Variants in MAGEA4 observed in about 807,000 individuals in gnomAD.
MAGEA4 encodes the protein MAGE family member A4, also known as melanoma-associated antigen 4.
A neutral mutation model predicts 13.7 loss-of-function variants in MAGEA4; 1 was observed. The observed-to-expected ratio is 0.07, with a 90% CI of 0.03 to 0.35. The LOEUF (loss-of-function observed/expected upper bound fraction) is 0.35. Among genes scored for constraint, MAGEA4 ranks in the 10% least tolerant of loss-of-function variants. The pLI is 0.99. For missense variants in MAGEA4, 312 were observed against 245.1 expected, an observed-to-expected ratio of 1.27 and a Z score of -1.82; for synonymous variants, 132 against 101.1, an observed-to-expected ratio of 1.31 and a Z score of -1.83.
At chrX:151,912,582 A>C (rs1192353925), upstream of MAGEA4, 1 of 343,839 alleles carries the variant, frequency 2.9e-6, no homozygotes, top group East Asian at 8.1e-5. Context: ...TCAGGACCCT[A>C]AGAGAGAGCT....
At chrX:151,919,317 C>T (rs1214709351) in intron 1 of MAGEA4, among the ~76,000 whole-genome samples, 2 of 81,350 alleles carry the variant, frequency 2.5e-5, no homozygotes, top group Non-Finnish European at 4.8e-5. Flanking sequence ...CCCACCCCCT[C>T]CCCTTTCCCA....
Position 151,924,650 on chromosome X carries a change from G to A in MAGEA4, c.*32G>A. On this transcript the variant is annotated 3_prime_UTR_variant, in exon 3 of 3. Coordinates refer to ENST00000276344, the MANE Select transcript of MAGEA4 (RefSeq NM_001011548.1). ...GTTGCAGCCAGGGCTGTGGGGAAGG[G>A]GCAGGGCTGGGCCAGTGCATCTAAC... 1.7e-6 allele frequency: 2 copies of A among 1,157,652 alleles called. No homozygotes were observed. Among genetic ancestry groups the A allele is most frequent in the South Asian group, 4.1e-5 (2 of 48,654 alleles).
At position 151,923,613 on chromosome X, in the gene MAGEA4, C is replaced by T. The variant is rs183961725; in HGVS notation, c.-52C>T. The T allele has an allele frequency of 5.2e-5, 63 of 1,209,389 alleles. No individual in the cohort carries two copies. The African/African-American group carries it at 8.0e-4, about 15-fold the overall frequency. The stretch of plus-strand genomic sequence containing the variant: ...CTCTCTCCGTAGGCCTGTGGGTCCC[C>T]ATTGCCCAGCTTTTGCCTGCACTCT... On this transcript the variant is annotated 5_prime_UTR_variant, in exon 3 of 3. Coordinates refer to ENST00000276344, the MANE Select transcript of MAGEA4 (RefSeq NM_001011548.1).
At chrX:151,919,426 C>CA (rs1933287411) in intron 1 of MAGEA4, among the ~76,000 whole-genome samples, 1 of 101,741 alleles carries the variant, frequency 9.8e-6, no homozygotes, top group African/African-American at 3.6e-5. Context: ...TCTCCCACCC[C>CA]AAAACCCGGG....
At chrX:151,923,132 G>T (rs1165936395) in intron 1 of MAGEA4, among the ~76,000 whole-genome samples, 1 of 111,922 alleles carries the variant, frequency 8.9e-6, no homozygotes, top group Non-Finnish European at 1.9e-5. Flanking sequence ...ACAGAGTCCA[G>T]CCTACCCTCT....
At chrX:151,921,139 ATCCGCTGCCATTTCGCTGCTCCATT>A (rs1484980843) in intron 1 of MAGEA4, among the ~76,000 whole-genome samples, 1 of 111,437 alleles carries the variant, frequency 9.0e-6, no homozygotes, top group Non-Finnish European at 1.9e-5. Flanking sequence ...ACTCCCACAA[ATCCGCTGCCATTTCGCTGCTCCATT>A]TCCCATTCCT....
chrX:151,924,426 A>G lies in MAGEA4; in HGVS notation c.762A>G (p.Glu254=), dbSNP rs140091480. 8.3e-6 allele frequency: 10 copies of G among 1,210,008 alleles called. No homozygotes were observed. The East Asian group carries it at 1.8e-4, about 22-fold the overall frequency. The part of the protein sequence containing the change: ...RKLLTQDWVQ[E]NYLEYRQVPG... ...TGCTCACCCAAGATTGGGTGCAGGAAAACTACCTGGAGTACCGGCAGGTAC... is the reference window on the plus strand; with the variant it reads ...TGCTCACCCAAGATTGGGTGCAGGAGAACTACCTGGAGTACCGGCAGGTAC... Residue 254 remains glutamate, a synonymous_variant, in exon 3 of 3, where the codon GAA becomes GAG. Coordinates refer to ENST00000276344, the MANE Select transcript of MAGEA4 (RefSeq NM_001011548.1).
At position 151,923,908 on chromosome X, in the gene MAGEA4, A is replaced by G. The variant is rs894216993; in HGVS notation, c.244A>G (p.Arg82Gly). Residue 82 changes from arginine to glycine, a missense_variant, in exon 3 of 3, where the codon AGG (arginine) becomes GGG (glycine). Arg to Gly is a moderately radical substitution (Grantham distance 125). Transcript: ENST00000276344. The stretch of plus-strand genomic sequence containing the variant: ...CACTACCATCAGCTTCACTTGCTGG[A>G]GGCAACCCAATGAGGGTTCCAGCAG... ...LPTTISFTCWRQPNEGSSSQE... is the reference protein window; with the variant it reads ...LPTTISFTCWGQPNEGSSSQE... 2 of 1,211,477 alleles carry G rather than the reference A, an allele frequency of 1.7e-6. No homozygotes were observed. The highest frequency in any genetic ancestry group is 2.2e-6 in the Non-Finnish European group (2 of 895,383).
In MAGEA4 at chrX:151,924,467, C is replaced by T. The variant is rs190319017; in HGVS notation, c.803C>T (p.Ala268Val). The change falls in exon 3 of 3, where the codon GCG (alanine) becomes GTG (valine). Residue 268 changes from alanine to valine, a missense_variant. Coordinates refer to ENST00000276344, the MANE Select transcript of MAGEA4 (RefSeq NM_001011548.1). ...CGGCAGGTACCCGGCAGTAATCCTG[C>T]GCGCTATGAGTTCCTGTGGGGTCCA... The part of the protein sequence containing the change: ...EYRQVPGSNP[A>V]RYEFLWGPRA... The T allele has an allele frequency of 9.1e-5, 110 of 1,210,193 alleles. No homozygotes were observed. In the East Asian group the frequency reaches 2.1e-3, roughly 23 times the overall value.
At position 151,924,135 on chromosome X, in the gene MAGEA4, G is replaced by A; in HGVS notation, c.471G>A (p.Glu157=). The A allele has an allele frequency of 1.6e-6, 2 of 1,212,167 alleles. No individual in the cohort carries two copies. The highest frequency in any genetic ancestry group is 3.5e-5 in the African/African-American group (2 of 57,892). The change falls in exon 3 of 3, where the codon GAG becomes GAA. Residue 157 remains glutamate, a synonymous_variant. Coordinates refer to ENST00000276344, the MANE Select transcript of MAGEA4 (RefSeq NM_001011548.1). ...CFPVIFGKAS[E]SLKMIFGIDV... is the part of the protein sequence containing the mutation. ...CTGTGATCTTCGGCAAAGCCTCCGA[G>A]TCCCTGAAGATGATCTTTGGCATTG...
chrX:151,924,100 C>T lies in MAGEA4; in HGVS notation c.436C>T (p.Arg146Cys), dbSNP rs768575994. 14 of 1,210,726 alleles carry T rather than the reference C, an allele frequency of 1.2e-5. No individual in the cohort carries two copies. Among genetic ancestry groups the T allele is most frequent in the African/African-American group, 5.2e-5 (3 of 57,396 alleles). ...MLERVIKNYK[R>C]CFPVIFGKAS... ...GGAGAGAGTCATCAAAAATTACAAG[C>T]GCTGCTTTCCTGTGATCTTCGGCAA... Residue 146 changes from arginine to cysteine, a missense_variant, in exon 3 of 3, where the codon CGC becomes TGC. Coordinates refer to ENST00000276344, the MANE Select transcript of MAGEA4 (RefSeq NM_001011548.1).
Position 151,924,723 on chromosome X carries a change from C to A in MAGEA4, c.*105C>A. ...TGCCTCGTGTAACATGAGGCCCATT[C>A]TTCACTCTGTTTGAAGAAAATAGTC... On this transcript the variant is annotated 3_prime_UTR_variant, in exon 3 of 3. Transcript: ENST00000276344. 2 of 863,984 alleles carry A rather than the reference C, an allele frequency of 2.3e-6. No homozygotes were observed. The highest frequency in any genetic ancestry group is 1.6e-6 in the Non-Finnish European group (1 of 632,934). The allele number at this position is 863,984 out of a possible 1,213,427, so 71.2% of individuals were successfully genotyped here. A position where few individuals can be genotyped will look rare whatever the true frequency, so the allele number is the denominator to read the frequency against.
At position 151,925,069 on chromosome X, in the gene MAGEA4, G is replaced by A. The variant is rs1051972236; in HGVS notation, c.*451G>A. ...TACTTAATTCCCGCCTTATGCCTCA[G>A]TCTATTCTGTAAAATTTAAAAAATA... On this transcript the variant is annotated 3_prime_UTR_variant, in exon 3 of 3. Coordinates refer to ENST00000276344, the MANE Select transcript of MAGEA4 (RefSeq NM_001011548.1). The A allele has an allele frequency of 8.0e-6, 1 of 125,549 alleles. No individual in the cohort carries two copies. Among genetic ancestry groups the A allele is most frequent in the African/African-American group, 3.2e-5 (1 of 30,914 alleles). 10.3% of individuals were successfully genotyped at this position (125,549 alleles called of 1,213,427 possible). A position where few individuals can be genotyped will look rare whatever the true frequency, so the allele number is the denominator to read the frequency against.
chrX:151,912,642 C>T (rs1267622356), upstream of MAGEA4: 1 of 257,532 alleles, frequency 3.9e-6, no homozygotes, highest in Non-Finnish European at 7.3e-6. Flanking sequence ...CCATTCCCTT[C>T]CACACTCCTA....
In MAGEA4 at chrX:151,924,646, A is replaced by G. The variant is rs773010399; in HGVS notation, c.*28A>G. Reference sequence around the variant, plus strand: ...ATGAGTTGCAGCCAGGGCTGTGGGGAAGGGGCAGGGCTGGGCCAGTGCATC... The same window carrying G: ...ATGAGTTGCAGCCAGGGCTGTGGGGGAGGGGCAGGGCTGGGCCAGTGCATC... On this transcript the variant is annotated 3_prime_UTR_variant, in exon 3 of 3. Transcript: ENST00000276344. The G allele has an allele frequency of 3.3e-5, 39 of 1,166,153 alleles. 1 individual carries two copies. Among genetic ancestry groups the G allele is most frequent in the Admixed American group, 1.9e-4 (8 of 41,592 alleles).
At chrX:151,919,554 C>T in intron 1 of MAGEA4, 1 of 544,280 alleles carries the variant, frequency 1.8e-6, no homozygotes, top group Non-Finnish European at 2.2e-6. Context: ...CCACCCCCAT[C>T]CACGCTGAAT....
Position 151,925,162 on chromosome X carries a change from TTC to T in MAGEA4, c.*546_*547del, listed in dbSNP as rs1292957419. On this transcript the variant is annotated 3_prime_UTR_variant, in exon 3 of 3. Transcript: ENST00000276344. ...AAATTAAATCTGAATAAATAATTCT[TTC>T]TGTTAACTGGCTCATTTCTTCTCTA... 3 of 115,736 alleles carry T rather than the reference TTC, an allele frequency of 2.6e-5. No homozygotes were observed. Among genetic ancestry groups the T allele is most frequent in the African/African-American group, 9.7e-5 (3 of 30,931 alleles). 9.5% of individuals were successfully genotyped at this position (115,736 alleles called of 1,213,427 possible). A position where few individuals can be genotyped will look rare whatever the true frequency, so the allele number is the denominator to read the frequency against.
Position 151,919,072 on chromosome X carries a change from C to T in MAGEA4, c.-137-4381C>T, listed in dbSNP as rs980233848. On this transcript the variant is annotated intron_variant, in intron 1 of 2. Coordinates refer to ENST00000276344, the MANE Select transcript of MAGEA4 (RefSeq NM_001011548.1). ...TGAGGGAGGACTCAGGAGGCCCCCACCCCAGATAGACGACCCCAAATAATC... is the reference window on the plus strand; with the variant it reads ...TGAGGGAGGACTCAGGAGGCCCCCATCCCAGATAGACGACCCCAAATAATC... 2.4e-5 allele frequency: 18 copies of T among 742,269 alleles called. No individual in the cohort carries two copies. The African/African-American group carries it at 4.4e-4, about 18-fold the overall frequency. The allele number at this position is 742,269 out of a possible 1,213,427, so 61.2% of individuals were successfully genotyped here. A position where few individuals can be genotyped will look rare whatever the true frequency, so the allele number is the denominator to read the frequency against.
At chrX:151,912,543 G>A (rs1010696682), upstream of MAGEA4, 1 of 362,663 alleles carries the variant, frequency 2.8e-6, no homozygotes, top group Non-Finnish European at 5.3e-6. Flanking sequence ...AGGAGGCAAG[G>A]TGGGGGCAGG....
Sources: gnomAD v4.1 joint callset for allele counts (sites outside exome capture counted in the v4.1 genomes callset) on GRCh38, gnomAD v4.1.1 for gene constraint, MANE v1.5 for transcripts, NCBI Gene and HGNC (gene_info 2026-07-23, HGNC 2026-07-21) for gene names.